The following TSHZ2 variants were observed in gnomAD, a reference collection of about 807,000 sequenced individuals.
TSHZ2 encodes the protein teashirt zinc finger homeobox 2, also known as teashirt homolog 2.
In TSHZ2, 21 loss-of-function variants were observed where a neutral mutation model predicts 74.4. The ratio of observed to expected loss-of-function variants is 0.28; its 90% CI spans 0.20 to 0.41. TSHZ2 has a LOEUF of 0.41. Ranked by LOEUF, TSHZ2 falls within the 10% of genes least tolerant of loss-of-function variation. TSHZ2 has a pLI of 1.00. For synonymous variants in TSHZ2, 540 were observed against 515.3 expected (o/e 1.05, Z -0.65); for missense variants, 1,244 against 1,293.5 (o/e 0.96, Z 0.59).
chr20:53,330,363 G>T (rs144229670), intron 2 of TSHZ2, among the ~76,000 whole-genome samples: 7 of 152,160 alleles, frequency 4.6e-5, no homozygotes, highest in African/African-American at 1.4e-4. Flanking sequence ...CATTTGAGGT[G>T]ATATGTAGGC....
At chr20:53,067,513 T>C (rs1985029509) in intron 1 of TSHZ2, among the ~76,000 whole-genome samples, 1 of 152,250 alleles carries the variant, frequency 6.6e-6, no homozygotes, top group African/African-American at 2.4e-5. Context: ...TCCTGGGCAG[T>C]GCAGCCAAGT....
chr20:53,254,201 A>T lies in TSHZ2; in HGVS notation c.743A>T (p.Asp248Val). 2 of 1,614,152 alleles carry T rather than the reference A, an allele frequency of 1.2e-6. No homozygotes were observed. The highest frequency in any genetic ancestry group is 1.7e-6 in the Non-Finnish European group (2 of 1,180,028). Residue 248 changes from aspartate to valine, a missense_variant, in exon 2 of 3, where the codon GAC (aspartate) becomes GTC (valine). By Grantham distance (152) the Asp-to-Val change is radical (BLOSUM62 -3). This residue lies in a region of TSHZ2 where 470 missense variants were observed against 456.5 expected (regional missense o/e 1.03). Transcript: ENST00000371497. Reference sequence around the variant, plus strand: ...TATCAAGATGACAACCGCAAAAAGGACAAGCTCAGACCCACGAGCTATTCA... The same window carrying T: ...TATCAAGATGACAACCGCAAAAAGGTCAAGCTCAGACCCACGAGCTATTCA... ...GHYQDDNRKK[D>V]KLRPTSYSKP...
At position 53,046,847 on chromosome 20, in the gene TSHZ2, G is replaced by A. The variant is rs570328793; in HGVS notation, c.40+73514G>A. On this transcript the variant is annotated intron_variant, in intron 1 of 2. Transcript: ENST00000371497. ...GTTGGGAAGGTGGAACTAACAGGAT[G>A]CATTCTGTGTACTTCACAAAAGGTC... is the stretch of plus-strand genomic sequence containing the variant. 1.1e-3 allele frequency among the ~76,000 whole-genome samples: 163 copies of A among 152,328 alleles called. 1 individual carries two copies. The highest frequency in any genetic ancestry group is 1.4e-3 in the Admixed American group (22 of 15,306).
At chr20:53,104,572 C>A (rs1986310039) in intron 1 of TSHZ2, among the ~76,000 whole-genome samples, 1 of 152,060 alleles carries the variant, frequency 6.6e-6, no homozygotes, top group Non-Finnish European at 1.5e-5. Context: ...GTGACAGATC[C>A]GACTGAAGAA....
rs545124919 is a variant in TSHZ2, at chr20:53,195,667, C to T, written c.41-57832C>T. On this transcript the variant is annotated intron_variant, in intron 1 of 2. Coordinates refer to ENST00000371497, the MANE Select transcript of TSHZ2 (RefSeq NM_173485.6). Reference sequence around the variant, plus strand: ...GGGTCCCCTCTTTACCCAGCATTCTCACTTTCCAGCATACAAAGTGGCTAG... The same window carrying T: ...GGGTCCCCTCTTTACCCAGCATTCTTACTTTCCAGCATACAAAGTGGCTAG... 1.2e-3 allele frequency among the ~76,000 whole-genome samples: 185 copies of T among 152,354 alleles called. 1 individual carries two copies. Among genetic ancestry groups the T allele is most frequent in the Non-Finnish European group, 2.4e-3 (164 of 68,038 alleles).
At chr20:53,061,878 A>C (rs1984834174) in intron 1 of TSHZ2, among the ~76,000 whole-genome samples, 2 of 152,212 alleles carry the variant, frequency 1.3e-5, no homozygotes, top group Non-Finnish European at 2.9e-5. Flanking sequence ...ACTTGAAATA[A>C]AGGTTAACAA....
In TSHZ2 at chr20:52,972,831, T is replaced by G. The variant is rs1981169836; in HGVS notation, c.-463T>G. The G allele has an allele frequency of 5.2e-6, 1 of 190,906 alleles. No individual in the cohort carries two copies. The allele number at this position is 190,906 out of a possible 1,614,324, so 11.8% of individuals were successfully genotyped here. On this transcript the variant is annotated 5_prime_UTR_variant, in exon 1 of 3. Transcript: ENST00000371497. ...CACTACCTTCCCAGGATTGCCTTTTTTTTTTCCTTATCTTTACGCGCGAGT... is the reference window on the plus strand; with the variant it reads ...CACTACCTTCCCAGGATTGCCTTTTGTTTTTCCTTATCTTTACGCGCGAGT...
chr20:53,177,471 A>G (rs1282451862), intron 1 of TSHZ2, among the ~76,000 whole-genome samples: 1 of 152,162 alleles, frequency 6.6e-6, no homozygotes, highest in East Asian at 1.9e-4. Context: ...AGGAGCCTTC[A>G]CTGGTGCACA....
intron 2 of TSHZ2, among the ~76,000 whole-genome samples, chr20:53,436,539 A>ATTTTTTT (rs1368192791): frequency 4.4e-4 from 40 of 89,952 alleles, no homozygotes; most frequent in South Asian, 8.1e-4. Context: ...TATTATTATT[A>ATTTTTTT]TTATTATTAT....
intron 1 of TSHZ2, among the ~76,000 whole-genome samples, chr20:53,199,961 G>A (rs558754018): frequency 4.3e-4 from 66 of 152,228 alleles, no homozygotes; most frequent in Non-Finnish European, 7.6e-4. Flanking sequence ...ACATCCACGC[G>A]GTACCTTGCA....
rs527370274 is a variant in TSHZ2, at chr20:53,212,738, C to G, written c.41-40761C>G. 2.5e-4 allele frequency among the ~76,000 whole-genome samples: 38 copies of G among 152,274 alleles called. 1 individual carries two copies. The East Asian group carries it at 5.8e-3, about 23-fold the overall frequency. On this transcript the variant is annotated intron_variant, in intron 1 of 2. Coordinates refer to ENST00000371497, the MANE Select transcript of TSHZ2 (RefSeq NM_173485.6). ...GGCTTCATTTACAAAAGATTCTCTC[C>G]GCATGGAGGTGTGGTCCCCCAGATT...
At chr20:53,444,871 G>A (rs1183146703) in intron 2 of TSHZ2, among the ~76,000 whole-genome samples, 1 of 152,130 alleles carries the variant, frequency 6.6e-6, no homozygotes, top group Admixed American at 6.5e-5. Flanking sequence ...TGGCCCCCCA[G>A]CCCAACCCCT....
At chr20:53,279,007 A>G (rs951093886) in intron 2 of TSHZ2, among the ~76,000 whole-genome samples, 1 of 152,282 alleles carries the variant, frequency 6.6e-6, no homozygotes, top group Admixed American at 6.5e-5. Context: ...TGCGTTATAT[A>G]CAATGTTCTT....
rs78282058 is a variant in TSHZ2, at chr20:53,080,097, G to A, written c.40+106764G>A. On this transcript the variant is annotated intron_variant, in intron 1 of 2. Transcript: ENST00000371497. ...GAAAAGCAATTATGTAGAATGATTCGAATCTTAAACGAGTTAATATATCCA... is the reference window on the plus strand; with the variant it reads ...GAAAAGCAATTATGTAGAATGATTCAAATCTTAAACGAGTTAATATATCCA... 3.3e-4 allele frequency among the ~76,000 whole-genome samples: 50 copies of A among 152,196 alleles called. 2 individuals carry two copies. In the East Asian group the frequency reaches 3.9e-3, roughly 12 times the overall value.
At chr20:53,212,404 C>T (rs578207544) in intron 1 of TSHZ2, among the ~76,000 whole-genome samples, 2 of 152,140 alleles carry the variant, frequency 1.3e-5, no homozygotes. Context: ...ATTATACTAA[C>T]GAATCCTTGC....
chr20:53,236,674 G>A lies in TSHZ2; in HGVS notation c.41-16825G>A, dbSNP rs112367587. 4.6e-3 allele frequency among the ~76,000 whole-genome samples: 703 copies of A among 152,320 alleles called. 5 individuals are homozygous for A. Among genetic ancestry groups the A allele is most frequent in the African/African-American group, 0.016 (661 of 41,566 alleles). On this transcript the variant is annotated intron_variant, in intron 1 of 2. Coordinates refer to ENST00000371497, the MANE Select transcript of TSHZ2 (RefSeq NM_173485.6). ...CTCACGCTGCTCTAAAGAACTGCCT[G>A]AGACTGGGTTATTTATAAAGGAAAG...
intron 2 of TSHZ2, among the ~76,000 whole-genome samples, chr20:53,414,610 A>G (rs1983171385): frequency 1.3e-5 from 2 of 152,168 alleles, no homozygotes; most frequent in African/African-American, 4.8e-5. Context: ...AGGAGCTAAG[A>G]TCATACCACT....
At chr20:53,294,062 G>T (rs555111481) in intron 2 of TSHZ2, among the ~76,000 whole-genome samples, 1 of 152,136 alleles carries the variant, frequency 6.6e-6, no homozygotes, top group African/African-American at 2.4e-5. Flanking sequence ...CTGATTTGCC[G>T]TGTTGACCAA....
At chr20:53,391,486 T>C (rs1420752677) in intron 2 of TSHZ2, among the ~76,000 whole-genome samples, 2 of 151,758 alleles carry the variant, frequency 1.3e-5, no homozygotes, top group Non-Finnish European at 2.9e-5. Flanking sequence ...TTTGTTTTTT[T>C]TTTTTTACAA....
Sources: allele counts gnomAD v4.1 joint callset (sites outside exome capture counted in the v4.1 genomes callset), GRCh38; gene constraint gnomAD v4.1.1; regional missense constraint gnomAD v4.1.1; transcripts MANE v1.5; gene names NCBI Gene and HGNC (gene_info 2026-07-23, HGNC 2026-07-21).